The following CDH11 variants were observed in gnomAD, a reference collection of about 807,000 sequenced individuals.
CDH11 encodes the protein cadherin-11.
CDH11 carries 11 observed loss-of-function variants against 67.8 expected under a neutral mutation model. The observed-to-expected ratio is 0.16, with a 90% CI of 0.10 to 0.27. The LOEUF is 0.27. Ranked by LOEUF, CDH11 falls within the 10% of genes least tolerant of loss-of-function variation. CDH11 has a pLI of 1.00. For synonymous variants in CDH11, 419 were observed against 400.0 expected, an observed-to-expected ratio of 1.05 and a Z score of -0.57; for missense variants, 847 against 1,031.2, an observed-to-expected ratio of 0.82 and a Z score of 2.45.
At chr16:65,120,337 C>G (rs1195496557) in intron 1 of CDH11, among the ~76,000 whole-genome samples, 1 of 152,250 alleles carries the variant, frequency 6.6e-6, no homozygotes, top group Middle Eastern at 3.4e-3. Flanking sequence ...CCAGACACCC[C>G]GCAAAACCAT....
intron 2 of CDH11, among the ~76,000 whole-genome samples, chr16:65,033,759 A>AAATAAAATAAAAT (rs1555521260): frequency 6.6e-6 from 1 of 151,872 alleles, no homozygotes; most frequent in Non-Finnish European, 1.5e-5. Context: ...AAATAAAATA[A>AAATAAAATAAAAT]AATAAAATAG....
intron 3 of CDH11, among the ~76,000 whole-genome samples, chr16:65,001,351 C>G (rs2072915272): frequency 6.6e-6 from 1 of 152,164 alleles, no homozygotes; most frequent in African/African-American, 2.4e-5. Flanking sequence ...GACGGATGAA[C>G]AGAATTGCCC....
chr16:64,957,281 C>G (rs906046672), intron 11 of CDH11, among the ~76,000 whole-genome samples: 1 of 152,140 alleles, frequency 6.6e-6, no homozygotes, highest in African/African-American at 2.4e-5. Flanking sequence ...AAAAAGGCCA[C>G]AGGGCACTTC....
chr16:64,997,836 A>G (rs759902396), intron 4 of CDH11, among the ~76,000 whole-genome samples: 40 of 152,282 alleles, frequency 2.6e-4, no homozygotes, highest in Non-Finnish European at 4.4e-4. Flanking sequence ...TCCTGAATTC[A>G]TTTGAGCTCT....
intron 2 of CDH11, among the ~76,000 whole-genome samples, chr16:65,012,732 T>TA (rs2073208789): frequency 1.3e-5 from 2 of 152,212 alleles, no homozygotes; most frequent in Admixed American, 6.5e-5. Context: ...AAGCTTCCTG[T>TA]ATGTAAACTC....
intron 8 of CDH11, among the ~76,000 whole-genome samples, chr16:64,975,713 T>C (rs1218153675): frequency 1.3e-5 from 2 of 152,182 alleles, no homozygotes; most frequent in African/African-American, 2.4e-5. Context: ...TCTGGATATA[T>C]ATTTTTAAAT....
intron 1 of CDH11, among the ~76,000 whole-genome samples, chr16:65,099,167 C>T (rs746629090): frequency 9.2e-5 from 14 of 151,988 alleles, no homozygotes; most frequent in South Asian, 2.1e-4. Context: ...AGCACATAGA[C>T]GGCTGTACGA....
chr16:65,029,799 C>T (rs188895641), intron 2 of CDH11, among the ~76,000 whole-genome samples: 45 of 152,306 alleles, frequency 3.0e-4, no homozygotes, highest in African/African-American at 9.9e-4. Flanking sequence ...CAATGTCCTA[C>T]ACAACACAAA....
At chr16:65,099,594 G>C (rs542574128) in intron 1 of CDH11, among the ~76,000 whole-genome samples, 41 of 152,082 alleles carry the variant, frequency 2.7e-4, no homozygotes, top group African/African-American at 9.7e-4. Context: ...TTGTGTCTTT[G>C]TTACTGTCAC....
rs116959246 is a variant in CDH11, at chr16:64,995,250, C to T, written c.524-2216G>A. Among the ~76,000 whole-genome samples the T allele has an allele frequency of 0.017, 2,544 of 151,820 alleles. 106 individuals are homozygous for T. In the East Asian group the frequency reaches 0.17, roughly 10 times the overall value. On this transcript the variant is annotated intron_variant, in intron 4 of 12. Coordinates refer to ENST00000268603, the MANE Select transcript of CDH11 (RefSeq NM_001797.4). ...ATTAGAAAAAAAAACTGTTCTAAGACTCATATGGAACCAAAAAAGAGCCCG... is the reference window on the plus strand; with the variant it reads ...ATTAGAAAAAAAAACTGTTCTAAGATTCATATGGAACCAAAAAAGAGCCCG...
chr16:65,037,020 T>C (rs1079008), intron 2 of CDH11, among the ~76,000 whole-genome samples: 76,584 of 151,972 alleles, frequency 0.5, 19,718 homozygotes, highest in East Asian at 0.78. Context: ...AAGGTTTCTG[T>C]CATTCAGTGA....
In CDH11 at chr16:64,948,771, C is replaced by T. The variant is rs777254038; in HGVS notation, c.1895-672G>A. On this transcript the variant is annotated intron_variant, in intron 12 of 12. Transcript: ENST00000268603. ...TGTCTTCCCTGGGAGAGGGGGGTTC[C>T]ATTAAGCTTGGGCAACCTAGGAGGG... 4 of 1,599,158 alleles carry T rather than the reference C, an allele frequency of 2.5e-6. No individual in the cohort carries two copies. In the African/African-American group the frequency reaches 5.4e-5, roughly 21 times the overall value.
chr16:64,968,426 G>A (rs752301128), intron 11 of CDH11: 129 of 984,400 alleles, frequency 1.3e-4, no homozygotes, highest in Non-Finnish European at 1.5e-4. Flanking sequence ...CAAAGTAAAT[G>A]CATCTCAAAA....
chr16:65,022,274 A>G (rs891514159), intron 2 of CDH11, among the ~76,000 whole-genome samples: 9 of 152,210 alleles, frequency 5.9e-5, no homozygotes, highest in Admixed American at 3.9e-4. Flanking sequence ...TAAGATAGGG[A>G]ACCAAAACTT....
At chr16:65,067,617 T>C (rs1356184956) in intron 1 of CDH11, among the ~76,000 whole-genome samples, 2 of 152,168 alleles carry the variant, frequency 1.3e-5, no homozygotes, top group Admixed American at 1.3e-4. Flanking sequence ...TTTTTACTTT[T>C]TAAATAATTG....
At chr16:65,108,185 C>T (rs937575622) in intron 1 of CDH11, among the ~76,000 whole-genome samples, 2 of 152,146 alleles carry the variant, frequency 1.3e-5, no homozygotes, top group African/African-American at 2.4e-5. Context: ...TACAACGATG[C>T]CTCAGGATCT....
In CDH11 at chr16:65,054,595, A is replaced by G. The variant is rs569224376; in HGVS notation, c.-297-667T>C. On this transcript the variant is annotated intron_variant, in intron 1 of 12. Coordinates refer to ENST00000268603, the MANE Select transcript of CDH11 (RefSeq NM_001797.4). ...CTTCATATCTCCCAAAATGTCTAAC[A>G]CATTTCCTAGCCCAGAGCATCTGTT... Among the ~76,000 whole-genome samples the G allele has an allele frequency of 2.6e-5, 4 of 152,254 alleles. No homozygotes were observed. The South Asian group carries it at 8.3e-4, about 32-fold the overall frequency.
intron 7 of CDH11, among the ~76,000 whole-genome samples, chr16:64,984,487 G>T (rs1476505868): frequency 6.6e-6 from 1 of 152,174 alleles, no homozygotes; most frequent in Admixed American, 6.5e-5. Context: ...GTTATGAGTA[G>T]TTGAAATAAA....
chr16:64,981,972 G>A (rs541466876), intron 8 of CDH11, 76 bp downstream of exon 8: 26 of 1,339,838 alleles, frequency 1.9e-5, no homozygotes, highest in East Asian at 1.2e-4. Flanking sequence ...GAAAAACGTG[G>A]TTCCTACAGG....
Sources: allele counts gnomAD v4.1 joint callset (sites outside exome capture counted in the v4.1 genomes callset), GRCh38; gene constraint gnomAD v4.1.1; transcripts MANE v1.5; gene names NCBI Gene and HGNC (gene_info 2026-07-23, HGNC 2026-07-21).